The following TTN variants were observed in gnomAD, a reference collection of about 807,000 sequenced individuals.
TTN encodes the protein titin, also known as connectin.
In TTN, 1,525 loss-of-function variants were observed where a neutral mutation model predicts 3,223.0. The observed-to-expected ratio is 0.47, with a 90% CI of 0.45 to 0.49. The LOEUF (loss-of-function observed/expected upper bound fraction) is 0.49, where lower values mean the gene tolerates loss of function less well. Ranked by LOEUF, TTN falls within the 20% of genes least tolerant of loss-of-function variation. The pLI, the probability that TTN is intolerant of heterozygous loss-of-function variation, is 0.00. For missense variants in TTN, 40,786 were observed against 43,424.0 expected (o/e 0.94, Z 5.40); for synonymous variants, 14,094 against 15,161.0 (o/e 0.93, Z 5.17).
Position 178,571,078 on chromosome 2 carries a change from G to C in TTN, c.75054C>G (p.Val25018=), listed in dbSNP as rs1327022068. The C allele has an allele frequency of 4.3e-6, 7 of 1,612,922 alleles. No individual in the cohort carries two copies. The Admixed American group carries it at 1.2e-4, about 27-fold the overall frequency. The change falls in exon 326 of 363, where the codon GTC becomes GTG. Residue 25018 remains valine, a synonymous_variant. Coordinates refer to ENST00000589042, the MANE Select transcript of TTN (RefSeq NM_001267550.2). The stretch of plus-strand genomic sequence containing the variant: ...ACTGAAGAGTCACAGAATTCCTTGT[G>C]ACAATGATTGCCTCTGGCCGTCCTG... ...DPPGRPEAII[V]TRNSVTLQWK...
At chr2:178,755,249 C>G (rs1397951011) in intron 46 of TTN, among the ~76,000 whole-genome samples, 3 of 152,128 alleles carry the variant, frequency 2.0e-5, no homozygotes, top group Non-Finnish European at 4.4e-5. Context: ...TTTATTCCTG[C>G]TCTTCCAGAC....
chr2:178,726,304 A>C (rs1488462835), intron 69 of TTN: 1 of 325,512 alleles, frequency 3.1e-6, no homozygotes, highest in East Asian at 4.9e-5. Context: ...CACCTTACTG[A>C]TGTATCTTAG....
In TTN at chr2:178,730,618, T is replaced by C. The variant is rs1447713863; in HGVS notation, c.17915A>G (p.Asn5972Ser). The C allele has an allele frequency of 1.9e-6, 3 of 1,613,588 alleles. No individual in the cohort carries two copies. The highest frequency in any genetic ancestry group is 2.5e-6 in the Non-Finnish European group (3 of 1,179,704). Reference protein sequence around the residue: ...SEKYKFSFHDNTAFLEISQLE... With the variant: ...SEKYKFSFHDSTAFLEISQLE... ...CTGGCTGATTTCCAAGAAGGCAGTA[T>C]TGTCATGAAAAGAGAATTTGTACTT... The change falls in exon 61 of 363, where the codon AAT (asparagine) becomes AGT (serine). Residue 5972 changes from asparagine (N) to serine (S), a missense_variant. Physicochemically the swap from Asn to Ser is conservative, Grantham distance 46 (BLOSUM62 1). Transcript: ENST00000589042.
Position 178,593,240 on chromosome 2 carries a change from T to C in TTN, c.58968A>G (p.Ala19656=). Reference sequence around the variant, plus strand: ...GATCTCCAATACCAATTTCATTTTCTGCAGAAACCCGGAATTCATACTGAC... The same window carrying C: ...GATCTCCAATACCAATTTCATTTTCCGCAGAAACCCGGAATTCATACTGAC... The part of the protein sequence containing the change: ...EGCQYEFRVS[A]ENEIGIGDPS... Residue 19656 remains alanine (A), a synonymous_variant, in exon 299 of 363, where the codon GCA becomes GCG. Transcript: ENST00000589042. The C allele has an allele frequency of 6.2e-7, 1 of 1,613,494 alleles. No individual in the cohort carries two copies. Among genetic ancestry groups the C allele is most frequent in the South Asian group, 1.1e-5 (1 of 91,062 alleles).
rs1310199247 is a variant in TTN, at chr2:178,634,345, A to C, written c.42415+21T>G. 1 of 1,588,666 alleles carries C rather than the reference A, an allele frequency of 6.3e-7. No homozygotes were observed. Among genetic ancestry groups the C allele is most frequent in the South Asian group, 1.2e-5 (1 of 85,776 alleles). ...TTTGCATGCCTTTATGGGATGTCAC[A>C]GATCTCATTAGCTCGCTTACCTGTG... is the stretch of plus-strand genomic sequence containing the variant. On this transcript the variant is annotated intron_variant, in intron 230 of 362. Coordinates refer to ENST00000589042, the MANE Select transcript of TTN (RefSeq NM_001267550.2). This position sits in a 1 kb window ranked among gnomAD's most constrained non-coding sequence, Gnocchi z 4.6.
At position 178,612,492 on chromosome 2, in the gene TTN, T is replaced by C; in HGVS notation, c.50033A>G (p.Asp16678Gly). ...GTAGTTGGTGATGGGGGACCCTCCA[T>C]CTTTCTCAGGAACTGTCCATTTTAG... ...ADLKWTVPEK[D>G]GGSPITNYIV... The change falls in exon 266 of 363, where the codon GAT becomes GGT. Residue 16678 changes from aspartate (D) to glycine (G), a missense_variant. Coordinates refer to ENST00000589042, the MANE Select transcript of TTN (RefSeq NM_001267550.2). 1 of 1,612,216 alleles carries C rather than the reference T, an allele frequency of 6.2e-7. No homozygotes were observed. Among genetic ancestry groups the C allele is most frequent in the Non-Finnish European group, 8.5e-7 (1 of 1,179,160 alleles).
Position 178,533,627 on chromosome 2 carries a change from C to T in TTN, c.102988G>A (p.Glu34330Lys). 1.9e-6 allele frequency: 3 copies of T among 1,613,948 alleles called. No individual in the cohort carries two copies. Among genetic ancestry groups the T allele is most frequent in the Non-Finnish European group, 2.5e-6 (3 of 1,179,866 alleles). ...TTGTTCCTTGCCACAACAGTATATT[C>T]AGCGTCATCATCTGTAGTGACACTG... ...INSVTTDDDA[E>K]YTVVARNKYG... The change falls in exon 358 of 363, where the codon GAA becomes AAA. Residue 34330 changes from glutamate (E) to lysine (K), a missense_variant. By Grantham distance (56) the Glu-to-Lys change is moderately conservative. Transcript: ENST00000589042.
At position 178,621,709 on chromosome 2, in the gene TTN, T is replaced by C; in HGVS notation, c.45115A>G (p.Asn15039Asp). ...GTGTCTGTTTCACTAACTTCAATGT[T>C]GGCAAGATTTTTGGTAAAGACAGCT... ...EEAVFTKNLA[N>D]IEVSETDTIK... Residue 15039 changes from asparagine to aspartate, a missense_variant, in exon 245 of 363, where the codon AAC becomes GAC. Transcript: ENST00000589042. 1 of 1,611,764 alleles carries C rather than the reference T, an allele frequency of 6.2e-7. No homozygotes were observed. Among genetic ancestry groups the C allele is most frequent in the Non-Finnish European group, 8.5e-7 (1 of 1,178,902 alleles).
At chr2:178,664,433 A>G in intron 168 of TTN, 27 bp downstream of exon 168, 1 of 1,561,466 alleles carries the variant, frequency 6.4e-7, no homozygotes, top group Non-Finnish European at 8.7e-7. Context: ...CCACTATCCC[A>G]CCATAAAAAG....
Position 178,589,242 on chromosome 2 carries a change from T to G in TTN, c.62483A>C (p.Lys20828Thr). 1 of 1,613,478 alleles carries G rather than the reference T, an allele frequency of 6.2e-7. No homozygotes were observed. The highest frequency in any genetic ancestry group is 1.3e-5 in the African/African-American group (1 of 75,014). Residue 20828 changes from lysine (K) to threonine (T), a missense_variant, in exon 304 of 363, where the codon AAA becomes ACA. Physicochemically the swap from Lys to Thr is moderately conservative, Grantham distance 78 (BLOSUM62 -1). Transcript: ENST00000589042. The part of the protein sequence containing the change: ...VKIDTRADSS[K>T]FSLTKAKRSD... ...TCGCTTTGCTTTAGTAAGAGAAAATTTAGATGAATCAGCACGGGTATCAAT... is the reference window on the plus strand; with the variant it reads ...TCGCTTTGCTTTAGTAAGAGAAAATGTAGATGAATCAGCACGGGTATCAAT...
chr2:178,680,389 C>T, intron 138 of TTN, 58 bp from the exon 139 acceptor site: 2 of 1,398,474 alleles, frequency 1.4e-6, no homozygotes, highest in Non-Finnish European at 2.0e-6. Flanking sequence ...CCAGCCAATG[C>T]TTGTTTTGCT....
intron 1 of TTN, among the ~76,000 whole-genome samples, chr2:178,806,369 C>A (rs994032978): frequency 6.6e-6 from 1 of 152,138 alleles, no homozygotes; most frequent in African/African-American, 2.4e-5. Context: ...AATTAGTAAT[C>A]AAATTCTAGG....
rs2092208587 is a variant in TTN, at chr2:178,776,226, G to A, written c.5638C>T (p.Leu1880Phe). The change falls in exon 28 of 363, where the codon CTC becomes TTC. Residue 1880 changes from leucine (L) to phenylalanine (F), a missense_variant. Leu to Phe is a conservative substitution (Grantham distance 22). Transcript: ENST00000589042. ...PKVNWYLNGQLIRKSKRFRVR... is the reference protein window; with the variant it reads ...PKVNWYLNGQFIRKSKRFRVR... Reference sequence around the variant, plus strand: ...CTGAACCTTTTGCTTTTGCGGATGAGCTGTCCATTGAGGTACCAGTTGACT... The same window carrying A: ...CTGAACCTTTTGCTTTTGCGGATGAACTGTCCATTGAGGTACCAGTTGACT... 1 of 1,614,128 alleles carries A rather than the reference G, an allele frequency of 6.2e-7. No homozygotes were observed. The highest frequency in any genetic ancestry group is 1.3e-5 in the African/African-American group (1 of 75,036).
intron 58 of TTN, 41 bp downstream of exon 58, chr2:178,731,652 C>A: frequency 6.3e-7 from 1 of 1,575,318 alleles, no homozygotes. Context: ...AAAGAATTGA[C>A]TCTTCAGAAA....
At chr2:178,677,132 C>G in intron 147 of TTN, 69 bp downstream of exon 147, 1 of 1,044,624 alleles carries the variant, frequency 9.6e-7, no homozygotes, top group Non-Finnish European at 1.2e-6. Flanking sequence ...TTCCTAAAAC[C>G]CAGTTTCATC....
chr2:178,563,645 T>C lies in TTN; in HGVS notation c.82487A>G (p.Asp27496Gly), dbSNP rs1466312104. The C allele has an allele frequency of 6.2e-7, 1 of 1,613,798 alleles. No individual in the cohort carries two copies. Among genetic ancestry groups the C allele is most frequent in the Non-Finnish European group, 8.5e-7 (1 of 1,179,774 alleles). The change falls in exon 326 of 363, where the codon GAC becomes GGC. Residue 27496 changes from aspartate (D) to glycine (G), a missense_variant. Asp to Gly is a moderately conservative substitution (Grantham distance 94). Coordinates refer to ENST00000589042, the MANE Select transcript of TTN (RefSeq NM_001267550.2). The surrounding 1 kb of genome is among the most constrained non-coding windows in gnomAD (Gnocchi z 4.5). ...MVVTWARPVD[D>G]GGTEIEGYIL... ...GTAGCCCTCAATTTCGGTACCTCCG[T>C]CGTCTACTGGGCGTGCCCATGTTAC... is the stretch of plus-strand genomic sequence containing the variant.
At chr2:178,675,627 C>G (rs1176624985) in intron 149 of TTN, 44 bp downstream of exon 149, 1 of 1,348,088 alleles carries the variant, frequency 7.4e-7, no homozygotes, top group South Asian at 2.0e-5. Flanking sequence ...AACCACAGTT[C>G]AACATCGGTG....
In TTN at chr2:178,769,712, T is replaced by C. The variant is rs138465450; in HGVS notation, c.8869A>G (p.Asn2957Asp). Reference protein sequence around the residue: ...DSAEYTFVCGNDQVSATLTVT... With the variant: ...DSAEYTFVCGDDQVSATLTVT... ...GTCAGGGTGGCACTGACTTGGTCAT[T>C]GCCACAGACAAATGTGTATTCTGCC... The change falls in exon 37 of 363, where the codon AAT becomes GAT. Residue 2957 changes from asparagine (N) to aspartate (D), a missense_variant. Transcript: ENST00000589042. 4 of 1,613,532 alleles carry C rather than the reference T, an allele frequency of 2.5e-6. No individual in the cohort carries two copies. In the African/African-American group the frequency reaches 4.0e-5, roughly 16 times the overall value.
At chr2:178,666,036 A>C (rs1452502076) in intron 163 of TTN, among the ~76,000 whole-genome samples, 1 of 152,170 alleles carries the variant, frequency 6.6e-6, no homozygotes, top group Non-Finnish European at 1.5e-5. Flanking sequence ...TAGATCATGG[A>C]AAGTGGAAAC....
Sources: allele counts gnomAD v4.1 joint callset (sites outside exome capture counted in the v4.1 genomes callset), GRCh38; gene constraint gnomAD v4.1.1; non-coding constraint Gnocchi (gnomAD v3.1); transcripts MANE v1.5; gene names NCBI Gene and HGNC (gene_info 2026-07-23, HGNC 2026-07-21).